The following SSH2 variants were observed in gnomAD, a reference collection of about 807,000 sequenced individuals.
The protein encoded by SSH2 is slingshot protein phosphatase 2, also known as protein phosphatase Slingshot homolog 2.
SSH2 carries 37 observed loss-of-function variants against 135.2 expected under a neutral mutation model. That is an observed-to-expected ratio of 0.27 (90% CI 0.21 to 0.36). The LOEUF (loss-of-function observed/expected upper bound fraction) is 0.36, where lower values mean the gene tolerates loss of function less well. Among genes scored for constraint, SSH2 ranks in the 10% least tolerant of loss-of-function variants. SSH2 has a pLI of 1.00. For missense variants in SSH2, 1,408 were observed against 1,765.3 expected, an observed-to-expected ratio of 0.80 and a Z score of 3.63; for synonymous variants, 628 against 646.2, an observed-to-expected ratio of 0.97 and a Z score of 0.43.
intron 3 of SSH2, among the ~76,000 whole-genome samples, chr17:29,737,793 T>C (rs555479920): frequency 6.6e-6 from 1 of 152,328 alleles, no homozygotes; most frequent in East Asian, 1.9e-4. Context: ...AGTAGACTGA[T>C]CTTGAGAAAG....
intron 3 of SSH2, among the ~76,000 whole-genome samples, chr17:29,750,536 T>C (rs373040748): frequency 6.6e-6 from 1 of 151,924 alleles, no homozygotes; most frequent in African/African-American, 2.4e-5. Flanking sequence ...TCCTCCTCCT[T>C]CTTCTTCTAA....
chr17:29,867,560 G>C (rs539079810), intron 1 of SSH2, among the ~76,000 whole-genome samples: 1 of 152,326 alleles, frequency 6.6e-6, no homozygotes, highest in East Asian at 1.9e-4. Flanking sequence ...CAGAATGAAG[G>C]TTTGAACAGC....
chr17:29,925,313 G>A (rs2067044852), intron 1 of SSH2: 1 of 384,604 alleles, frequency 2.6e-6, no homozygotes, highest in Admixed American at 4.5e-5. Context: ...GGGAGAATGG[G>A]GAGGAGATGA....
At chr17:29,676,537 T>G (rs2037730040) in intron 8 of SSH2, 2 of 325,240 alleles carry the variant, frequency 6.1e-6, no homozygotes, top group South Asian at 7.3e-5. Flanking sequence ...ATGTCCCTAA[T>G]AAAACTCGGT....
chr17:29,646,899 A>C (rs989873764), intron 14 of SSH2, among the ~76,000 whole-genome samples: 2 of 152,124 alleles, frequency 1.3e-5, no homozygotes, highest in Admixed American at 6.5e-5. Context: ...CATGATCAAA[A>C]TTACTGGAGA....
chr17:29,919,920 A>T (rs574483754), intron 1 of SSH2, among the ~76,000 whole-genome samples: 3 of 152,136 alleles, frequency 2.0e-5, no homozygotes, highest in Admixed American at 6.6e-5. Flanking sequence ...TTATTTATTT[A>T]TTTTCTGAGA....
intron 1 of SSH2, among the ~76,000 whole-genome samples, chr17:29,887,762 C>T (rs1216409526): frequency 4.6e-5 from 7 of 152,130 alleles, no homozygotes; most frequent in Non-Finnish European, 8.8e-5. Flanking sequence ...TGGTCTTCTG[C>T]AGTTCAGGTT....
intron 12 of SSH2, 62 bp from the exon 13 acceptor site, chr17:29,650,862 C>T: frequency 7.3e-7 from 1 of 1,363,204 alleles, no homozygotes; most frequent in Non-Finnish European, 9.7e-7. Flanking sequence ...ATTCCCAGCA[C>T]TGTTTTTTCT....
intron 3 of SSH2, among the ~76,000 whole-genome samples, chr17:29,706,395 TG>T (rs1199068193): frequency 6.6e-6 from 1 of 152,176 alleles, no homozygotes; most frequent in East Asian, 1.9e-4. Flanking sequence ...GCATGCTGGC[TG>T]GGGGTGGTGG....
rs542824219 is a variant in SSH2, at chr17:29,730,225, G to C, written c.189-27163C>G. Among the ~76,000 whole-genome samples the C allele has an allele frequency of 2.0e-5, 3 of 151,448 alleles. No homozygotes were observed. In the East Asian group the frequency reaches 5.8e-4, roughly 29 times the overall value. ...TGGTCCCTGCTACTTGGGAGGCTGA[G>C]GCGGGAGGACTGCTTGAACCCAGGA... On this transcript the variant is annotated intron_variant, in intron 3 of 15. Coordinates refer to ENST00000540801, the MANE Select transcript of SSH2 (RefSeq NM_001282129.2).
intron 1 of SSH2, chr17:29,925,465 C>A: frequency 2.5e-6 from 1 of 398,442 alleles, no homozygotes; most frequent in Non-Finnish European, 4.4e-6. Flanking sequence ...ACTATAATCC[C>A]AATTCTTTAG....
At chr17:29,744,860 A>AGTGTGTGTGTGT (rs71689248) in intron 3 of SSH2, among the ~76,000 whole-genome samples, 94 of 140,536 alleles carry the variant, frequency 6.7e-4, no homozygotes, top group African/African-American at 1.5e-3. Flanking sequence ...GGATTACTTG[A>AGTGTGTGTGTGT]GTGTGTGTGT....
intron 3 of SSH2, chr17:29,761,518 C>T (rs999622497): frequency 6.1e-6 from 5 of 824,250 alleles, no homozygotes; most frequent in Non-Finnish European, 7.3e-6. Context: ...GCCCGGCCGG[C>T]GCCCCGCCCC....
At chr17:29,707,528 A>T (rs1474909336) in intron 3 of SSH2, among the ~76,000 whole-genome samples, 6 of 144,058 alleles carry the variant, frequency 4.2e-5, no homozygotes. Context: ...ACAGACTACT[A>T]TTTTTTTTTT....
chr17:29,880,660 C>A (rs1209972083), intron 1 of SSH2, among the ~76,000 whole-genome samples: 4 of 152,126 alleles, frequency 2.6e-5, no homozygotes, highest in African/African-American at 9.7e-5. Flanking sequence ...TGAGTTCTGA[C>A]TCTTGCTTTG....
At chr17:29,861,712 C>T (rs780412039) in intron 1 of SSH2, among the ~76,000 whole-genome samples, 3 of 152,044 alleles carry the variant, frequency 2.0e-5, no homozygotes, top group East Asian at 1.9e-4. Context: ...TACAGGCACC[C>T]GCCACCATGC....
At chr17:29,644,565 T>C (rs530070889) in intron 14 of SSH2, among the ~76,000 whole-genome samples, 2 of 152,252 alleles carry the variant, frequency 1.3e-5, no homozygotes, top group East Asian at 3.9e-4. Context: ...TCCCAGCACT[T>C]TGGGAGGCCG....
At chr17:29,646,554 C>T (rs2036375686) in intron 14 of SSH2, among the ~76,000 whole-genome samples, 1 of 152,116 alleles carries the variant, frequency 6.6e-6, no homozygotes, top group African/African-American at 2.4e-5. Context: ...GGCCGGAGTG[C>T]AGTGGCGCGA....
chr17:29,629,446 T>C lies in SSH2; in HGVS notation c.*1395A>G, dbSNP rs1334779524. The C allele has an allele frequency of 1.3e-5, 2 of 152,706 alleles. No individual in the cohort carries two copies. The highest frequency in any genetic ancestry group is 1.9e-4 in the East Asian group (1 of 5,206). The allele number at this position is 152,706 out of a possible 1,614,324, so 9.5% of individuals were successfully genotyped here. On this transcript the variant is annotated 3_prime_UTR_variant, in exon 16 of 16. Transcript: ENST00000540801. ...GGGGTGTCTCTGAGGAAAAAGTTAC[T>C]AATGCATAATTTGGCAGGAGCTGGT...
Sources: gnomAD v4.1 joint callset for allele counts (sites outside exome capture counted in the v4.1 genomes callset) on GRCh38, gnomAD v4.1.1 for gene constraint, MANE v1.5 for transcripts, NCBI Gene and HGNC (gene_info 2026-07-23, HGNC 2026-07-21) for gene names.